The following PCLO variants were observed in gnomAD, a reference collection of about 807,000 sequenced individuals.
PCLO encodes protein piccolo.
PCLO carries 82 observed loss-of-function variants against 427.5 expected under a neutral mutation model. The observed-to-expected ratio is 0.19, with a 90% confidence interval of 0.16 to 0.23. The LOEUF (loss-of-function observed/expected upper bound fraction) is 0.23. Ranked by LOEUF, PCLO falls within the 10% of genes least tolerant of loss-of-function variation. The pLI is 1.00. For missense variants in PCLO, 6,239 were observed against 6,115.9 expected (o/e 1.02, Z -0.67); for synonymous variants, 2,357 against 2,155.4 (o/e 1.09, Z -2.59).
At chr7:82,881,784 C>T (rs1249961600) in intron 9 of PCLO, among the ~76,000 whole-genome samples, 1 of 152,020 alleles carries the variant, frequency 6.6e-6, no homozygotes, top group Non-Finnish European at 1.5e-5. Context: ...GCTGGGACTA[C>T]TACATGCCAC....
Position 83,134,242 on chromosome 7 carries a change from T to TATAC in PCLO, c.3300+7_3300+8insGTAT. 9.4e-7 allele frequency: 1 copy of TATAC among 1,065,442 alleles called. No homozygotes were observed. 66.0% of individuals were successfully genotyped at this position (1,065,442 alleles called of 1,614,324 possible). On this transcript the variant is annotated splice_region_variant and intron_variant, in intron 3 of 24. Coordinates refer to ENST00000333891, the MANE Select transcript of PCLO (RefSeq NM_033026.6). ...TAATATATATATATATATATATATA[T>TATAC]AACTTACCTCAGTCAAATGTGGTGT...
chr7:82,776,185 T>C (rs775289519), intron 22 of PCLO, among the ~76,000 whole-genome samples: 3 of 152,236 alleles, frequency 2.0e-5, no homozygotes, highest in Non-Finnish European at 4.4e-5. Flanking sequence ...TCTTTTCATA[T>C]ATATTAACCA....
intron 9 of PCLO, among the ~76,000 whole-genome samples, chr7:82,889,722 A>G (rs560784513): frequency 3.9e-5 from 6 of 152,290 alleles, no homozygotes; most frequent in African/African-American, 1.4e-4. Flanking sequence ...ATAAATGCCA[A>G]TCAATTAGAA....
At chr7:83,024,939 C>T (rs1034865981) in intron 3 of PCLO, among the ~76,000 whole-genome samples, 41 of 152,206 alleles carry the variant, frequency 2.7e-4, no homozygotes, top group South Asian at 1.0e-3. Context: ...ACATCTACAC[C>T]AAAAACCCAT....
At position 83,162,572 on chromosome 7, in the gene PCLO, C is replaced by A. The variant is rs766637244; in HGVS notation, c.21G>T (p.Leu7Phe). The A allele has an allele frequency of 9.7e-6, 15 of 1,548,926 alleles. No individual in the cohort carries two copies. The South Asian group carries it at 1.5e-4, about 16-fold the overall frequency. ...GCCCTTCGGGGAGCCCTTCCCCTTCCAAGCTCGCCTCGTTGCCCATGGCTC... is the reference window on the plus strand; with the variant it reads ...GCCCTTCGGGGAGCCCTTCCCCTTCAAAGCTCGCCTCGTTGCCCATGGCTC... Reference protein sequence around the residue: MGNEASLEGEGLPEGLA... With the variant: MGNEASFEGEGLPEGLA... The change falls in exon 1 of 25, where the codon TTG becomes TTT. Residue 7 changes from leucine to phenylalanine, a missense_variant. Physicochemically the swap from Leu to Phe is conservative, Grantham distance 22. This residue lies in a region of PCLO where 4,677 missense variants were observed against 4,468.4 expected (regional missense o/e 1.05). Transcript: ENST00000333891.
intron 3 of PCLO, among the ~76,000 whole-genome samples, chr7:83,067,056 A>G (rs562704140): frequency 6.6e-6 from 1 of 152,226 alleles, no homozygotes; most frequent in South Asian, 2.1e-4. Context: ...ATATAAAATT[A>G]TCTTCATGCT....
intron 3 of PCLO, among the ~76,000 whole-genome samples, chr7:82,990,290 C>G (rs1329073614): frequency 6.6e-6 from 1 of 152,134 alleles, no homozygotes; most frequent in East Asian, 1.9e-4. Context: ...CCTAAACTAA[C>G]TAAACCATAG....
chr7:82,977,342 GT>G, intron 3 of PCLO, among the ~76,000 whole-genome samples: 1 of 147,274 alleles, frequency 6.8e-6, no homozygotes, highest in Middle Eastern at 3.5e-3. Context: ...TCCTTTTTCT[GT>G]TTTTTCAGTA....
chr7:83,029,024 A>T (rs934391854), intron 3 of PCLO, among the ~76,000 whole-genome samples: 4 of 152,158 alleles, frequency 2.6e-5, no homozygotes, highest in Admixed American at 2.0e-4. Flanking sequence ...AACCTAGGCA[A>T]TACCATTCAG....
In PCLO at chr7:82,952,276, T is replaced by C; in HGVS notation, c.8677A>G (p.Thr2893Ala). The C allele has an allele frequency of 6.2e-7, 1 of 1,613,968 alleles. No homozygotes were observed. Among genetic ancestry groups the C allele is most frequent in the Non-Finnish European group, 8.5e-7 (1 of 1,179,860 alleles). The change falls in exon 5 of 25, where the codon ACT becomes GCT. Residue 2893 changes from threonine (T) to alanine (A), a missense_variant. This residue lies in a region of PCLO where 4,677 missense variants were observed against 4,468.4 expected (regional missense o/e 1.05). Coordinates refer to ENST00000333891, the MANE Select transcript of PCLO (RefSeq NM_033026.6). ...WTDSTVSQGI[T>A]DGEVVDLSTT... ...CTGAGATCCACTACTTCCCCATCAG[T>C]GATTCCCTGGGATACGGTGCTATCA...
chr7:82,949,294 TGCACACACACAC>T (rs1422073485), intron 6 of PCLO, among the ~76,000 whole-genome samples, 170 bp downstream of exon 6: 2 of 151,112 alleles, frequency 1.3e-5, no homozygotes, highest in African/African-American at 4.9e-5. Flanking sequence ...CACACACGTG[TGCACACACACAC>T]GCACACACAC....
chr7:82,956,324 C>T lies in PCLO; in HGVS notation c.4629G>A (p.Gln1543=), dbSNP rs374315381. 2 of 1,613,084 alleles carry T rather than the reference C, an allele frequency of 1.2e-6. No individual in the cohort carries two copies. Among genetic ancestry groups the T allele is most frequent in the East Asian group, 2.2e-5 (1 of 44,874 alleles). ...CTTCCCCTGATCCTTGGCTGTCTTC[C>T]TGTTTATACTCATCACTGCTTGATG... ...VGSSSSDEYK[Q]EDSQGSGEEE... The change falls in exon 5 of 25, where the codon CAG becomes CAA. Residue 1543 remains glutamine, a synonymous_variant. Coordinates refer to ENST00000333891, the MANE Select transcript of PCLO (RefSeq NM_033026.6).
Position 82,956,869 on chromosome 7 carries a change from C to A in PCLO, c.4084G>T (p.Asp1362Tyr), listed in dbSNP as rs1199765167. 5 of 1,613,738 alleles carry A rather than the reference C, an allele frequency of 3.1e-6. No individual in the cohort carries two copies. The highest frequency in any genetic ancestry group is 4.2e-6 in the Non-Finnish European group (5 of 1,179,786). ...ATTCCATCGGAAGAATATCCCGTGTCGCTCAGACCTTGGGGGCTTTTAGGC... is the reference window on the plus strand; with the variant it reads ...ATTCCATCGGAAGAATATCCCGTGTAGCTCAGACCTTGGGGGCTTTTAGGC... ...QQPKSPQGLS[D>Y]TGYSSDGISS... is the part of the protein sequence containing the mutation. Residue 1362 changes from aspartate (D) to tyrosine (Y), a missense_variant, in exon 5 of 25, where the codon GAC becomes TAC. Around this residue, in one of 5 missense-constraint regions of PCLO, gnomAD observed 4,677 missense variants for 4,468.4 expected, o/e 1.05. Transcript: ENST00000333891.
At chr7:83,152,987 T>A (rs1040629654) in intron 2 of PCLO, among the ~76,000 whole-genome samples, 1 of 152,104 alleles carries the variant, frequency 6.6e-6, no homozygotes, top group Non-Finnish European at 1.5e-5. Context: ...AAATAACATA[T>A]ACAGCTTAAA....
intron 9 of PCLO, among the ~76,000 whole-genome samples, chr7:82,901,023 C>T (rs1206801724): frequency 6.6e-6 from 1 of 151,748 alleles, no homozygotes; most frequent in Non-Finnish European, 1.5e-5. Context: ...GAATTCAAGA[C>T]AGATTTTTAA....
At chr7:82,801,432 A>G in intron 22 of PCLO, 86 bp downstream of exon 22, 1 of 735,742 alleles carries the variant, frequency 1.4e-6, no homozygotes, top group Non-Finnish European at 2.4e-6. Context: ...TAACATTTAA[A>G]TTCATGTTAA....
intron 3 of PCLO, among the ~76,000 whole-genome samples, chr7:83,024,037 C>T (rs1185763258): frequency 6.6e-6 from 1 of 152,214 alleles, no homozygotes; most frequent in African/African-American, 2.4e-5. Flanking sequence ...GGCTTTGGGC[C>T]AGTCACCATG....
In PCLO at chr7:83,134,357, C is replaced by G. The variant is rs892715309; in HGVS notation, c.3193G>C (p.Glu1065Gln). 1 of 1,613,082 alleles carries G rather than the reference C, an allele frequency of 6.2e-7. No individual in the cohort carries two copies. Among genetic ancestry groups the G allele is most frequent in the African/African-American group, 1.3e-5 (1 of 74,862 alleles). Reference protein sequence around the residue: ...PESTCPLCKTELNIGSKDPPN... With the variant: ...PESTCPLCKTQLNIGSKDPPN... ...GGATCCTTAGAACCTATGTTGAGTTCAGTTTTGCAGAGAGGACAGGTTGAT... is the reference window on the plus strand; with the variant it reads ...GGATCCTTAGAACCTATGTTGAGTTGAGTTTTGCAGAGAGGACAGGTTGAT... The change falls in exon 3 of 25, where the codon GAA (glutamate) becomes CAA (glutamine). Residue 1065 changes from glutamate (E) to glutamine (Q), a missense_variant. By Grantham distance (29) the Glu-to-Gln change is conservative (BLOSUM62 2). Coordinates refer to ENST00000333891, the MANE Select transcript of PCLO (RefSeq NM_033026.6).
rs1277280863 is a variant in PCLO, at chr7:82,822,647, C to T, written c.14639G>A (p.Gly4880Asp). 4 of 1,613,608 alleles carry T rather than the reference C, an allele frequency of 2.5e-6. No individual in the cohort carries two copies. The highest frequency in any genetic ancestry group is 2.5e-6 in the Non-Finnish European group (3 of 1,179,708). ...PTIEKSHSSPGSSKSSSEGHL... is the reference protein window; with the variant it reads ...PTIEKSHSSPDSSKSSSEGHL... ...GCCTTCTGATGATGATTTTGAGCTACCAGGACTACTATGGGATTTCTCAAT... is the reference window on the plus strand; with the variant it reads ...GCCTTCTGATGATGATTTTGAGCTATCAGGACTACTATGGGATTTCTCAAT... Residue 4880 changes from glycine to aspartate, a missense_variant, in exon 20 of 25, where the codon GGT (glycine) becomes GAT (aspartate). Transcript: ENST00000333891.
Sources: allele counts gnomAD v4.1 joint callset (sites outside exome capture counted in the v4.1 genomes callset), GRCh38; gene constraint gnomAD v4.1.1; regional missense constraint gnomAD v4.1.1; transcripts MANE v1.5; gene names NCBI Gene and HGNC (gene_info 2026-07-23, HGNC 2026-07-21).